Variants in COL27A1 observed in about 807,000 individuals in gnomAD.
The protein encoded by COL27A1 is collagen alpha-1(XXVII) chain.
A neutral mutation model predicts 251.3 loss-of-function variants in COL27A1; 106 were observed. The ratio of observed to expected loss-of-function variants is 0.42; its 90% CI spans 0.36 to 0.50. The LOEUF is 0.50. Among genes scored for constraint, COL27A1 ranks in the 20% least tolerant of loss-of-function variants. The pLI, the probability that COL27A1 is intolerant of heterozygous loss-of-function variation, is 0.00. For missense variants in COL27A1, 2,325 were observed against 2,522.8 expected (o/e 0.92, Z 1.68); for synonymous variants, 1,000 against 986.3 (o/e 1.01, Z -0.26).
chr9:114,273,159 G>A (rs1056555583), intron 36 of COL27A1: 4 of 151,868 alleles, frequency 2.6e-5, no homozygotes, highest in South Asian at 4.1e-4. Context: ...TTGAAAACCC[G>A]ACTAGCCACC....
chr9:114,156,368 G>C (rs1039147471), intron 1 of COL27A1, among the ~76,000 whole-genome samples: 1 of 151,866 alleles, frequency 6.6e-6, no homozygotes, highest in Non-Finnish European at 1.5e-5. Context: ...CTCCGTTTGG[G>C]GCCGTCTCGG....
rs1827687890 is a variant in COL27A1, at chr9:114,288,697, T to C, written c.4045-5T>C. The C allele has an allele frequency of 3.7e-6, 6 of 1,608,238 alleles. No individual in the cohort carries two copies. Among genetic ancestry groups the C allele is most frequent in the Non-Finnish European group, 4.3e-6 (5 of 1,175,632 alleles). On this transcript the variant is annotated splice_region_variant and splice_polypyrimidine_tract_variant and intron_variant, in intron 42 of 60. Coordinates refer to ENST00000356083, the MANE Select transcript of COL27A1 (RefSeq NM_032888.4). ...CCAAATTTTGCTGTTGTCTTTGTCA[T>C]TCAGGGCCCTGTGGGTGATCGAGGA...
At position 114,183,051 on chromosome 9, in the gene COL27A1, T is replaced by A. The variant is rs1160860762; in HGVS notation, c.1992T>A (p.Gly664=). Residue 664 remains glycine, a synonymous_variant, in exon 5 of 61, where the codon GGT becomes GGA. Coordinates refer to ENST00000356083, the MANE Select transcript of COL27A1 (RefSeq NM_032888.4). The part of the protein sequence containing the change: ...RGPPGPYGNP[G]LPGPPGAKGQ... ...CTCCTGGGCCTTATGGAAATCCAGG[T>A]CTCCCCGGCCCTCCTGGAGCCAAAG... is the stretch of plus-strand genomic sequence containing the variant. 1 of 1,613,526 alleles carries A rather than the reference T, an allele frequency of 6.2e-7. No homozygotes were observed.
intron 1 of COL27A1, among the ~76,000 whole-genome samples, chr9:114,159,447 A>T (rs1848346465): frequency 1.3e-5 from 2 of 152,122 alleles, no homozygotes; most frequent in Non-Finnish European, 2.9e-5. Flanking sequence ...GGACTCAAGG[A>T]GTGAGGGCAG....
Position 114,205,141 on chromosome 9 carries a change from G to C in COL27A1, c.2164G>C (p.Glu722Gln). 1 of 1,613,258 alleles carries C rather than the reference G, an allele frequency of 6.2e-7. No individual in the cohort carries two copies. Among genetic ancestry groups the C allele is most frequent in the Non-Finnish European group, 8.5e-7 (1 of 1,179,966 alleles). ...TCCTGGACCGGCAGGGCACCCCGGA[G>C]AACAGGTGAGGGCCTCAGCCTCAGC... ...GYPGPAGHPG[E>Q]QGQPGPEGSP... Residue 722 changes from glutamate (E) to glutamine (Q), a missense_variant, in exon 8 of 61, where the codon GAA becomes CAA. Coordinates refer to ENST00000356083, the MANE Select transcript of COL27A1 (RefSeq NM_032888.4).
chr9:114,194,142 C>G (rs553425745), intron 5 of COL27A1, among the ~76,000 whole-genome samples: 1 of 151,924 alleles, frequency 6.6e-6, no homozygotes, highest in Non-Finnish European at 1.5e-5. Context: ...AGATAGGGTG[C>G]CTGGGACTGG....
chr9:114,202,952 T>C (rs1199715763), intron 7 of COL27A1, among the ~76,000 whole-genome samples: 1 of 152,214 alleles, frequency 6.6e-6, no homozygotes, highest in Non-Finnish European at 1.5e-5. Context: ...ATTTTAATTG[T>C]GGTTAAAAAG....
At chr9:114,191,439 G>A (rs2135224849) in intron 5 of COL27A1, among the ~76,000 whole-genome samples, 1 of 152,122 alleles carries the variant, frequency 6.6e-6, no homozygotes, top group South Asian at 2.1e-4. Context: ...GCCACCGACA[G>A]GCCCCAGTGT....
rs144316597 is a variant in COL27A1 at position 114,285,551 on chromosome 9, C to T, written c.3987+774C>T. Among the ~76,000 whole-genome samples the T allele has an allele frequency of 1.6e-3, 238 of 152,338 alleles. 3 individuals carry two copies. The highest frequency in any genetic ancestry group is 6.4e-3 in the East Asian group (33 of 5,178). The stretch of plus-strand genomic sequence containing the variant: ...TCGCTTGCCCCCTGCCTCCCCAGCA[C>T]GCCTTTCTTTTGCTGAGTCAGCTCC... On this transcript the variant is annotated intron_variant, in intron 41 of 60. Transcript: ENST00000356083.
chr9:114,168,548 C>T lies in COL27A1; in HGVS notation c.993C>T (p.Asn331=), dbSNP rs562855199. The T allele has an allele frequency of 2.0e-5, 33 of 1,614,040 alleles. No homozygotes were observed. Among genetic ancestry groups the T allele is most frequent in the Middle Eastern group, 1.6e-4 (1 of 6,062 alleles). The part of the protein sequence containing the change: ...PLLPAKLSAS[N]ALDPMLPASV... ...TACCTGCCAAGCTGTCAGCCAGTAACGCACTTGATCCCATGCTCCCAGCCT... is the reference window on the plus strand; with the variant it reads ...TACCTGCCAAGCTGTCAGCCAGTAATGCACTTGATCCCATGCTCCCAGCCT... The change falls in exon 3 of 61, where the codon AAC becomes AAT. Residue 331 remains asparagine (N), a synonymous_variant. Transcript: ENST00000356083.
intron 24 of COL27A1, among the ~76,000 whole-genome samples, chr9:114,248,148 T>A (rs1382563751): frequency 6.6e-6 from 1 of 152,188 alleles, no homozygotes; most frequent in East Asian, 1.9e-4. Context: ...GGGTTCCCAA[T>A]GCCTGCCTCG....
rs781488235 is a variant in COL27A1 at position 114,288,729 on chromosome 9, G to A, written c.4072G>A (p.Gly1358Arg). 4.3e-6 allele frequency: 7 copies of A among 1,610,770 alleles called. No homozygotes were observed. The highest frequency in any genetic ancestry group is 2.7e-5 in the African/African-American group (2 of 74,878). The change falls in exon 43 of 61, where the codon GGG (glycine) becomes AGG (arginine). Residue 1358 changes from glycine to arginine, a missense_variant. Transcript: ENST00000356083. ...CCCTGTGGGTGATCGAGGAGACCGC[G>A]GGGAACCGGGAGACCCTGGGTACCC... is the stretch of plus-strand genomic sequence containing the variant. ...RGPVGDRGDR[G>R]EPGDPGYPGQ...
intron 56 of COL27A1, among the ~76,000 whole-genome samples, chr9:114,302,505 T>A (rs1304307967): frequency 6.6e-6 from 1 of 152,008 alleles, no homozygotes; most frequent in African/African-American, 2.4e-5. Flanking sequence ...GGCGAGCAGA[T>A]CACCTGAGGT....
intron 37 of COL27A1, among the ~76,000 whole-genome samples, chr9:114,278,281 G>GC (rs1835629262): frequency 6.9e-6 from 1 of 144,532 alleles, no homozygotes; most frequent in African/African-American, 2.6e-5. Flanking sequence ...GAAGATGATG[G>GC]GGGTGTTGAT....
chr9:114,205,182 C>G (rs773227702), intron 8 of COL27A1, 36 bp downstream of exon 8: 23 of 1,594,246 alleles, frequency 1.4e-5, no homozygotes, highest in African/African-American at 2.7e-5. Context: ...CCTGGTCGCT[C>G]TCCCTCCTCC....
chr9:114,200,549 G>T (rs1829490315), intron 7 of COL27A1, among the ~76,000 whole-genome samples: 1 of 152,160 alleles, frequency 6.6e-6, no homozygotes, highest in African/African-American at 2.4e-5. Flanking sequence ...ATACCTTCCT[G>T]CCTGGAGCCG....
chr9:114,212,228 G>C (rs1304700305), intron 12 of COL27A1, among the ~76,000 whole-genome samples: 1 of 152,218 alleles, frequency 6.6e-6, no homozygotes, highest in East Asian at 1.9e-4. Context: ...AGCAGCACCT[G>C]ATGCTCCCAG....
chr9:114,194,773 G>T (rs1828990973), intron 6 of COL27A1, among the ~76,000 whole-genome samples: 1 of 152,200 alleles, frequency 6.6e-6, no homozygotes, highest in South Asian at 2.1e-4. Flanking sequence ...CTTTCTGCGG[G>T]GTCTGCTAGG....
intron 48 of COL27A1, among the ~76,000 whole-genome samples, chr9:114,291,264 GA>G (rs1357157049): frequency 6.6e-6 from 1 of 152,202 alleles, no homozygotes; most frequent in African/African-American, 2.4e-5. Flanking sequence ...TGCCGCGTGG[GA>G]GGAGGGGGCC....
Sources: allele counts gnomAD v4.1 joint callset (sites outside exome capture counted in the v4.1 genomes callset), GRCh38; gene constraint gnomAD v4.1.1; transcripts MANE v1.5; gene names NCBI Gene and HGNC (gene_info 2026-07-23, HGNC 2026-07-21).